LY9: variants seen among roughly 807,000 people sequenced by gnomAD.
The protein encoded by LY9 is lymphocyte antigen 9.
A neutral mutation model predicts 64.6 loss-of-function variants in LY9; 59 were observed. The observed-to-expected ratio is 0.91, with a 90% confidence interval of 0.74 to 1.13. The LOEUF (loss-of-function observed/expected upper bound fraction) is 1.13. Ranked by LOEUF, LY9 falls within the 50% of genes most tolerant of loss-of-function variation. The pLI is 0.00. For missense variants in LY9, 789 were observed against 797.2 expected (o/e 0.99, Z 0.12); for synonymous variants, 281 against 308.5 (o/e 0.91, Z 0.93).
intron 3 of LY9, among the ~76,000 whole-genome samples, chr1:160,814,196 T>G (rs956750191): frequency 1.3e-5 from 2 of 151,942 alleles, no homozygotes; most frequent in Non-Finnish European, 2.9e-5. Flanking sequence ...CCGGGTACCC[T>G]CAGAAGGGCA....
intron 5 of LY9, among the ~76,000 whole-genome samples, chr1:160,817,770 C>A (rs1396079233): frequency 6.6e-6 from 1 of 152,170 alleles, no homozygotes; most frequent in Non-Finnish European, 1.5e-5. Flanking sequence ...ATCTTCTGCT[C>A]TTCCGTAGAA....
chr1:160,807,022 C>G lies in LY9; in HGVS notation c.455-6614C>G, dbSNP rs183099018. On this transcript the variant is annotated intron_variant, in intron 2 of 9. Coordinates refer to ENST00000263285, the MANE Select transcript of LY9 (RefSeq NM_002348.4). ...AGCCTAATCTAGTTTATTGTTGAAGCTTTCAAGTATATTTTGTATTTCCTT... is the reference window on the plus strand; with the variant it reads ...AGCCTAATCTAGTTTATTGTTGAAGGTTTCAAGTATATTTTGTATTTCCTT... Among the ~76,000 whole-genome samples, 62 of 152,198 alleles carry G rather than the reference C, an allele frequency of 4.1e-4. No individual in the cohort carries two copies. The East Asian group carries it at 5.0e-3, about 12-fold the overall frequency.
In LY9 at chr1:160,814,605, A is replaced by G. The variant is rs1328215677; in HGVS notation, c.916A>G (p.Arg306Gly). Residue 306 changes from arginine (R) to glycine (G), a missense_variant, in exon 4 of 10, where the codon AGG becomes GGG. Physicochemically the swap from Arg to Gly is moderately radical, Grantham distance 125. Transcript: ENST00000263285. ...AACGGCAGATCCACTCATTAAATCCAGGGATCCTTACAAGAACAGGGTGTG... is the reference window on the plus strand; with the variant it reads ...AACGGCAGATCCACTCATTAAATCCGGGGATCCTTACAAGAACAGGGTGTG... ...AATADPLIKSRDPYKNRVWVS... is the reference protein window; with the variant it reads ...AATADPLIKSGDPYKNRVWVS... 3 of 1,614,200 alleles carry G rather than the reference A, an allele frequency of 1.9e-6. No homozygotes were observed. The Admixed American group carries it at 5.0e-5, about 27-fold the overall frequency.
intron 4 of LY9, chr1:160,815,033 G>A (rs1272660585): frequency 4.3e-6 from 2 of 470,494 alleles, no homozygotes; most frequent in African/African-American, 1.9e-5. Flanking sequence ...CGGTCCTTCT[G>A]CACTGAGTGT....
chr1:160,796,853 G>A (rs567554690), intron 1 of LY9, among the ~76,000 whole-genome samples: 6 of 152,158 alleles, frequency 3.9e-5, no homozygotes, highest in Admixed American at 6.5e-5. Context: ...AGTATATAAT[G>A]AGTTTGTTCC....
rs139413504 is a variant in LY9 at position 160,816,848 on chromosome 1, G to A, written c.1327G>A (p.Glu443Lys). The A allele has an allele frequency of 6.2e-7, 1 of 1,614,150 alleles. No homozygotes were observed. The highest frequency in any genetic ancestry group is 8.5e-7 in the Non-Finnish European group (1 of 1,180,028). ...VSRSSHQFLS[E>K]NICSGPERNT... is the part of the protein sequence containing the mutation. The stretch of plus-strand genomic sequence containing the variant: ...CAGGAGTTCCCACCAGTTTCTTTCT[G>A]AGAACATCTGTTCAGGTTTCTCTCC... Residue 443 changes from glutamate (E) to lysine (K), a missense_variant, in exon 5 of 10, where the codon GAG becomes AAG. Coordinates refer to ENST00000263285, the MANE Select transcript of LY9 (RefSeq NM_002348.4).
At chr1:160,808,017 C>T (rs961768666) in intron 2 of LY9, among the ~76,000 whole-genome samples, 2 of 152,168 alleles carry the variant, frequency 1.3e-5, no homozygotes, top group African/African-American at 4.8e-5. Context: ...GGCCCTGCCA[C>T]TGGAGAAGGT....
intron 7 of LY9, among the ~76,000 whole-genome samples, chr1:160,821,370 C>CTA (rs1406861139): frequency 6.6e-6 from 1 of 152,090 alleles, no homozygotes; most frequent in Non-Finnish European, 1.5e-5. Context: ...TGGGAGCAAT[C>CTA]TATAACACTT....
chr1:160,800,567 T>G (rs1202867304), intron 2 of LY9, among the ~76,000 whole-genome samples: 1 of 152,098 alleles, frequency 6.6e-6, no homozygotes, highest in Non-Finnish European at 1.5e-5. Flanking sequence ...TTTAAATATA[T>G]TTAGGGGGTA....
intron 2 of LY9, chr1:160,811,178 A>G (rs1318397213): frequency 3.3e-5 from 5 of 152,166 alleles, no homozygotes; most frequent in Non-Finnish European, 7.3e-5. Context: ...CCTACTTCTG[A>G]ACTGCCTGTG....
At chr1:160,806,922 C>A (rs947761826) in intron 2 of LY9, among the ~76,000 whole-genome samples, 1 of 151,978 alleles carries the variant, frequency 6.6e-6, no homozygotes, top group African/African-American at 2.4e-5. Flanking sequence ...CTTTTTTATT[C>A]TTTTTATTTA....
At position 160,800,183 on chromosome 1, in the gene LY9, C is replaced by G. The variant is rs192015113; in HGVS notation, c.454+101C>G. On this transcript the variant is annotated intron_variant, in intron 2 of 9. Coordinates refer to ENST00000263285, the MANE Select transcript of LY9 (RefSeq NM_002348.4). ...TTTTGTTATATGTATATAGTGCATA[C>G]TGATCAAGTCAGAGTTTTCAGTGTG... 1.6e-4 allele frequency: 135 copies of G among 833,522 alleles called. No homozygotes were observed. The African/African-American group carries it at 2.1e-3, about 13-fold the overall frequency. The allele number at this position is 833,522 out of a possible 1,614,324, so 51.6% of individuals were successfully genotyped here.
At chr1:160,803,289 A>C (rs199658480) in intron 2 of LY9, among the ~76,000 whole-genome samples, 5 of 151,160 alleles carry the variant, frequency 3.3e-5, no homozygotes, top group African/African-American at 9.7e-5. Context: ...TCTAAAAAAA[A>C]ATTTTTTTTT....
intron 7 of LY9, 100 bp downstream of exon 7, chr1:160,819,474 A>G: frequency 1.9e-6 from 2 of 1,052,644 alleles, no homozygotes; most frequent in Non-Finnish European, 2.9e-6. Flanking sequence ...CAGTGTGGGC[A>G]TCACCCAGGA....
chr1:160,796,603 C>T (rs754942112), intron 1 of LY9, among the ~76,000 whole-genome samples: 2 of 152,020 alleles, frequency 1.3e-5, no homozygotes, highest in African/African-American at 2.4e-5. Context: ...ATGTTGGCCA[C>T]GGTGGTCTCG....
rs192436150 is a variant in LY9, at chr1:160,827,824, A to T, written c.*8A>T. 56 of 1,605,004 alleles carry T rather than the reference A, an allele frequency of 3.5e-5. No individual in the cohort carries two copies. The African/African-American group carries it at 5.5e-4, about 16-fold the overall frequency. On this transcript the variant is annotated 3_prime_UTR_variant, in exon 10 of 10. Coordinates refer to ENST00000263285, the MANE Select transcript of LY9 (RefSeq NM_002348.4). ...TATGAAAATTTCACCTGAAAGGAAA[A>T]GCAGCTGCTGCCTCTCTCCTGGGAC... is the stretch of plus-strand genomic sequence containing the variant.
At chr1:160,810,143 T>C (rs1415573966) in intron 2 of LY9, 1 of 152,314 alleles carries the variant, frequency 6.6e-6, no homozygotes, top group Non-Finnish European at 1.5e-5. Flanking sequence ...CCTCCCAAAG[T>C]GCTAGGATTA....
At position 160,801,037 on chromosome 1, in the gene LY9, T is replaced by A. The variant is rs562782071; in HGVS notation, c.454+955T>A. Among the ~76,000 whole-genome samples, 3 of 152,362 alleles carry A rather than the reference T, an allele frequency of 2.0e-5. No individual in the cohort carries two copies. The South Asian group carries it at 6.2e-4, about 32-fold the overall frequency. On this transcript the variant is annotated intron_variant, in intron 2 of 9. Coordinates refer to ENST00000263285, the MANE Select transcript of LY9 (RefSeq NM_002348.4). ...GCAATAAACATACAAATGCAGGTAT[T>A]CCTTGCATATATCAATTTCTTTTCT...
At chr1:160,802,367 C>G in intron 2 of LY9, 2 of 987,916 alleles carry the variant, frequency 2.0e-6, no homozygotes, top group Non-Finnish European at 2.4e-6. Flanking sequence ...GGCTGCGGCC[C>G]CCTCTCAGCC....
Sources: gnomAD v4.1 joint callset for allele counts (sites outside exome capture counted in the v4.1 genomes callset) on GRCh38, gnomAD v4.1.1 for gene constraint, MANE v1.5 for transcripts, NCBI Gene and HGNC (gene_info 2026-07-23, HGNC 2026-07-21) for gene names.